Variants in NTRK3 observed in about 807,000 individuals in gnomAD.
NTRK3 encodes neurotrophic receptor tyrosine kinase 3.
Under a neutral mutation model 91.7 loss-of-function variants are expected in NTRK3, and 24 were observed. The ratio of observed to expected loss-of-function variants is 0.26; its 90% CI spans 0.19 to 0.37. The LOEUF (loss-of-function observed/expected upper bound fraction) is 0.37. Ranked by LOEUF, NTRK3 falls within the 10% of genes least tolerant of loss-of-function variation. NTRK3 has a pLI of 1.00. For missense variants in NTRK3, 880 were observed against 1,068.9 expected, an observed-to-expected ratio of 0.82 and a Z score of 2.46; for synonymous variants, 483 against 404.0, an observed-to-expected ratio of 1.20 and a Z score of -2.34.
intron 14 of NTRK3, among the ~76,000 whole-genome samples, chr15:88,032,578 T>C (rs562578533): frequency 1.3e-5 from 2 of 152,172 alleles, no homozygotes; most frequent in East Asian, 3.9e-4. Context: ...CTGTGTCTCC[T>C]GCCTTATTGG....
rs76114588 is a variant in NTRK3, at chr15:88,189,197, A to G, written c.249-4898T>C. On this transcript the variant is annotated intron_variant, in intron 3 of 18. Coordinates refer to ENST00000394480, the Ensembl canonical transcript of NTRK3. ...CTTAGAAGGGAAATGGAGTCAGGGA[A>G]TGGCCATGCAGAGTCTCTTTGGCAA... Among the ~76,000 whole-genome samples the G allele has an allele frequency of 2.8e-3, 423 of 152,288 alleles. 8 individuals are homozygous for G. The East Asian group carries it at 0.034, about 12-fold the overall frequency.
intron 13 of NTRK3, among the ~76,000 whole-genome samples, chr15:88,110,740 C>A (rs1312992078): frequency 6.6e-6 from 1 of 152,192 alleles, no homozygotes; most frequent in Non-Finnish European, 1.5e-5. Context: ...AGAGTGGAAA[C>A]CCTATAGCTC....
At chr15:87,960,148 C>A (rs961230774) in intron 14 of NTRK3, among the ~76,000 whole-genome samples, 8 of 152,152 alleles carry the variant, frequency 5.3e-5, no homozygotes, top group Admixed American at 2.0e-4. Flanking sequence ...TGTTTGGGTC[C>A]CTCCTCGAAC....
rs1283139661 is a variant in NTRK3 at position 88,213,525 on chromosome 15, C to T, written c.249-29226G>A. Among the ~76,000 whole-genome samples, 3 of 152,298 alleles carry T rather than the reference C, an allele frequency of 2.0e-5. No individual in the cohort carries two copies. The East Asian group carries it at 5.8e-4, about 29-fold the overall frequency. ...CAGACAGACAGACAGACAGACAAGGCAGCTCGGCCTCACTCTGGGGTACGA... is the reference window on the plus strand; with the variant it reads ...CAGACAGACAGACAGACAGACAAGGTAGCTCGGCCTCACTCTGGGGTACGA... On this transcript the variant is annotated intron_variant, in intron 3 of 18. Coordinates refer to ENST00000394480, the Ensembl canonical transcript of NTRK3.
In NTRK3 at chr15:88,135,776, T is replaced by C. The variant is rs987840411; in HGVS notation, c.907+123A>G. 7 of 1,321,376 alleles carry C rather than the reference T, an allele frequency of 5.3e-6. No individual in the cohort carries two copies. In the African/African-American group the frequency reaches 7.3e-5, roughly 14 times the overall value. 81.9% of individuals were successfully genotyped at this position (1,321,376 alleles called of 1,614,324 possible). A position where few individuals can be genotyped will look rare whatever the true frequency, so the allele number is the denominator to read the frequency against. Reference sequence around the variant, plus strand: ...CAGTCCTGCCCTACAAGAGTCCTTCTGTCCCTACTGGTAGATCAGCTCACT... The same window carrying C: ...CAGTCCTGCCCTACAAGAGTCCTTCCGTCCCTACTGGTAGATCAGCTCACT... On this transcript the variant is annotated intron_variant, in intron 9 of 18. Transcript: ENST00000394480.
At chr15:87,940,285 C>T (rs1042811318) in intron 15 of NTRK3, among the ~76,000 whole-genome samples, 2 of 152,204 alleles carry the variant, frequency 1.3e-5, no homozygotes, top group Non-Finnish European at 2.9e-5. Flanking sequence ...ACAGACAGCA[C>T]GTCCTGTAAA....
rs1467942640 is a variant in NTRK3 at position 88,136,568 on chromosome 15, G to A, written c.664C>T (p.Arg222Ter). The stretch of plus-strand genomic sequence containing the variant: ...GTGATAACAGCGTTGTCACCCTCTC[G>A]TACGGTCAGGTTGACGTGGCTCACG... The change falls in exon 8 of 19, where the codon CGA becomes TGA. Residue 222 changes from arginine to a stop codon, truncating the protein, a stop_gained. Transcript: ENST00000394480. LOFTEE classifies it high-confidence loss of function. The A allele has an allele frequency of 1.9e-6, 3 of 1,613,648 alleles. No individual in the cohort carries two copies. The highest frequency in any genetic ancestry group is 2.5e-6 in the Non-Finnish European group (3 of 1,179,930).
chr15:87,927,608 G>A (rs944830684), intron 17 of NTRK3: 3 of 152,240 alleles, frequency 2.0e-5, no homozygotes, highest in African/African-American at 7.2e-5. Flanking sequence ...ATGGTGTTAG[G>A]ACGTGAGGCC....
chr15:88,005,791 C>A (rs1310376278), intron 14 of NTRK3, among the ~76,000 whole-genome samples: 1 of 152,186 alleles, frequency 6.6e-6, no homozygotes, highest in Non-Finnish European at 1.5e-5. Flanking sequence ...ATTTCCATAA[C>A]ATTCCATTCC....
At chr15:88,059,949 G>A (rs2046060046) in intron 13 of NTRK3, among the ~76,000 whole-genome samples, 1 of 152,340 alleles carries the variant, frequency 6.6e-6, no homozygotes. Flanking sequence ...GAGCCCAGAA[G>A]AGAGGCATTC....
chr15:88,145,787 A>G (rs1346604353), intron 6 of NTRK3, among the ~76,000 whole-genome samples: 1 of 152,196 alleles, frequency 6.6e-6, no homozygotes, highest in African/African-American at 2.4e-5. Flanking sequence ...AAGACACCCA[A>G]GAAAGAGATC....
At chr15:88,254,041 G>A (rs981616740) in intron 3 of NTRK3, among the ~76,000 whole-genome samples, 7 of 152,170 alleles carry the variant, frequency 4.6e-5, no homozygotes, top group Admixed American at 4.6e-4. Context: ...CCTTGGAGCA[G>A]CACACTGGAT....
intron 13 of NTRK3, among the ~76,000 whole-genome samples, chr15:88,053,215 G>C (rs953112413): frequency 4.6e-5 from 7 of 152,332 alleles, no homozygotes; most frequent in Non-Finnish European, 4.4e-5. Context: ...AAAGGAAGGT[G>C]CAGCAGGGTA....
intron 13 of NTRK3, among the ~76,000 whole-genome samples, chr15:88,100,661 T>C (rs1280617931): frequency 6.6e-6 from 1 of 152,162 alleles, no homozygotes; most frequent in African/African-American, 2.4e-5. Context: ...CTTGAAAACA[T>C]GACCCTCTGA....
chr15:87,885,865 A>G (rs1228262847), intron 17 of NTRK3, 130 bp from the exon 18 acceptor site: 3 of 399,008 alleles, frequency 7.5e-6, no homozygotes, highest in Non-Finnish European at 1.3e-5. Flanking sequence ...AGATTTAGAG[A>G]TACAACTTAC....
chr15:87,900,389 G>T (rs541363160), intron 17 of NTRK3, among the ~76,000 whole-genome samples: 58 of 152,278 alleles, frequency 3.8e-4, no homozygotes, highest in Admixed American at 7.8e-4. Flanking sequence ...CTGGCACCAA[G>T]ATAAACCAGG....
chr15:88,172,114 G>T (rs961734608), intron 5 of NTRK3, among the ~76,000 whole-genome samples: 1 of 152,190 alleles, frequency 6.6e-6, no homozygotes. Flanking sequence ...GCATCACCTA[G>T]AATACCACCC....
intron 5 of NTRK3, among the ~76,000 whole-genome samples, chr15:88,178,188 G>C (rs1318659378): frequency 6.6e-6 from 1 of 152,144 alleles, no homozygotes; most frequent in African/African-American, 2.4e-5. Context: ...AGAGGTAAGG[G>C]GGAAGGCAGA....
intron 10 of NTRK3, among the ~76,000 whole-genome samples, chr15:88,130,635 A>G (rs1360218903): frequency 6.6e-6 from 1 of 152,210 alleles, no homozygotes; most frequent in African/African-American, 2.4e-5. Flanking sequence ...AAAAATGCAT[A>G]GCTAGAAATT....
Sources: gnomAD v4.1 joint callset for allele counts (sites outside exome capture counted in the v4.1 genomes callset) on GRCh38, gnomAD v4.1.1 for gene constraint, MANE v1.5 for transcripts, NCBI Gene and HGNC (gene_info 2026-07-23, HGNC 2026-07-21) for gene names.